The following ACBD3 variants were observed in gnomAD, a reference collection of about 807,000 sequenced individuals.
ACBD3 encodes the protein Golgi resident protein GCP60.
A neutral mutation model predicts 66.9 loss-of-function variants in ACBD3; 30 were observed. The observed-to-expected ratio is 0.45, with a 90% CI of 0.34 to 0.61. The LOEUF (loss-of-function observed/expected upper bound fraction) is 0.61. Among genes scored for constraint, ACBD3 ranks in the 20% least tolerant of loss-of-function variants. The probability of loss-of-function intolerance (pLI) is 0.02; values close to 1 mark genes in which losing one functional copy is unlikely to be tolerated. For synonymous variants in ACBD3, 278 were observed against 259.8 expected, an observed-to-expected ratio of 1.07 and a Z score of -0.68; for missense variants, 544 against 664.5, an observed-to-expected ratio of 0.82 and a Z score of 1.99.
rs1157402356 is a variant in ACBD3 at position 226,186,501 on chromosome 1, C to T, written c.175G>A (p.Glu59Lys). ...CCCCCAGCCGCCGCCTCCCCGGGCTCGGGCTGCTCCCCTGAGGCGCCCGGG... is the reference window on the plus strand; with the variant it reads ...CCCCCAGCCGCCGCCTCCCCGGGCTTGGGCTGCTCCCCTGAGGCGCCCGGG... ...RGPGASGEQP[E>K]PGEAAAGGAA... is the part of the protein sequence containing the mutation. The change falls in exon 1 of 8, where the codon GAG (glutamate) becomes AAG (lysine). Residue 59 changes from glutamate (E) to lysine (K), a missense_variant. Around this residue, in one of 3 missense-constraint regions of ACBD3, gnomAD observed 137 missense variants for 145.9 expected, o/e 0.94. Coordinates refer to ENST00000366812, the MANE Select transcript of ACBD3 (RefSeq NM_022735.4). The T allele has an allele frequency of 6.8e-7, 1 of 1,473,368 alleles. No individual in the cohort carries two copies. The highest frequency in any genetic ancestry group is 2.2e-4 in the Middle Eastern group (1 of 4,454). The allele number at this position is 1,473,368 out of a possible 1,614,324, so 91.3% of individuals were successfully genotyped here.
At chr1:226,169,321 C>T (rs980518686) in intron 1 of ACBD3, among the ~76,000 whole-genome samples, 5 of 151,868 alleles carry the variant, frequency 3.3e-5, no homozygotes, top group African/African-American at 2.4e-5. Flanking sequence ...GATCTCGGCT[C>T]ACTGCAAGCT....
chr1:226,145,678 AG>A lies in ACBD3; in HGVS notation c.*931del, dbSNP rs1659433911. On this transcript the variant is annotated 3_prime_UTR_variant, in exon 8 of 8. Coordinates refer to ENST00000366812, the MANE Select transcript of ACBD3 (RefSeq NM_022735.4). Reference sequence around the variant, plus strand: ...TAAAAGAAAATAGACTGTCTCTGGCAGTGATTTCCATATTAGTGCAATGTTA... The same window carrying A: ...TAAAAGAAAATAGACTGTCTCTGGCATGATTTCCATATTAGTGCAATGTTA... 1 of 152,640 alleles carries A rather than the reference AG, an allele frequency of 6.6e-6. No homozygotes were observed. The highest frequency in any genetic ancestry group is 2.4e-5 in the African/African-American group (1 of 41,462). The allele number at this position is 152,640 out of a possible 1,614,324, so 9.5% of individuals were successfully genotyped here. A position where few individuals can be genotyped will look rare whatever the true frequency, so the allele number is the denominator to read the frequency against.
chr1:226,166,085 A>C, intron 1 of ACBD3, 85 bp from the exon 2 acceptor site: 1 of 1,410,614 alleles, frequency 7.1e-7, no homozygotes, highest in Non-Finnish European at 9.4e-7. Context: ...CTTTGCTACA[A>C]AGCATGTCAC....
chr1:226,159,556 G>A (rs1395781366), intron 4 of ACBD3, among the ~76,000 whole-genome samples, 198 bp from the exon 5 acceptor site: 1 of 152,078 alleles, frequency 6.6e-6, no homozygotes, highest in Non-Finnish European at 1.5e-5. Flanking sequence ...TTTTACTTAG[G>A]ATTTTCCAGG....
chr1:226,186,514 T>C lies in ACBD3; in HGVS notation c.162A>G (p.Ser54=), dbSNP rs2102794477. ...CCTCCCCGGGCTCGGGCTGCTCCCC[T>C]GAGGCGCCCGGGCCGCGACCGGATC... ...PPGSGRGPGA[S]GEQPEPGEAA... is the part of the protein sequence containing the mutation. The change falls in exon 1 of 8, where the codon TCA becomes TCG. Residue 54 remains serine (S), a synonymous_variant. Transcript: ENST00000366812. The C allele has an allele frequency of 2.8e-6, 4 of 1,413,864 alleles. No homozygotes were observed. The highest frequency in any genetic ancestry group is 2.4e-4 in the Middle Eastern group (1 of 4,122). The allele number at this position is 1,413,864 out of a possible 1,614,324, so 87.6% of individuals were successfully genotyped here. A position where few individuals can be genotyped will look rare whatever the true frequency, so the allele number is the denominator to read the frequency against.
rs1483023894 is a variant in ACBD3 at position 226,146,364 on chromosome 1, T to C, written c.*246A>G. ...ACATGTAGCTCATGTAACTTCAGCA[T>C]CCACTAGTGACTCTGCTGGTCAGCA... On this transcript the variant is annotated 3_prime_UTR_variant, in exon 8 of 8. Coordinates refer to ENST00000366812, the MANE Select transcript of ACBD3 (RefSeq NM_022735.4). 19 of 455,228 alleles carry C rather than the reference T, an allele frequency of 4.2e-5. No homozygotes were observed. Among genetic ancestry groups the C allele is most frequent in the South Asian group, 5.6e-5 (2 of 36,002 alleles). 28.2% of individuals were successfully genotyped at this position (455,228 alleles called of 1,614,324 possible).
intron 1 of ACBD3, among the ~76,000 whole-genome samples, chr1:226,180,595 G>T (rs1357447176): frequency 6.6e-6 from 1 of 152,124 alleles, no homozygotes; most frequent in Non-Finnish European, 1.5e-5. Flanking sequence ...TGGCTACACT[G>T]TCCACTTTCT....
Position 226,183,147 on chromosome 1 carries a change from G to A in ACBD3, c.286+3243C>T, listed in dbSNP as rs1656207265. Among the ~76,000 whole-genome samples, 3 of 152,230 alleles carry A rather than the reference G, an allele frequency of 2.0e-5. No individual in the cohort carries two copies. The South Asian group carries it at 6.2e-4, about 32-fold the overall frequency. On this transcript the variant is annotated intron_variant, in intron 1 of 7. Coordinates refer to ENST00000366812, the MANE Select transcript of ACBD3 (RefSeq NM_022735.4). Reference sequence around the variant, plus strand: ...TTTCAAGATTCGTATTTATTCCACAGTGGAAGAGAAAATGTAATGTTCTTT... The same window carrying A: ...TTTCAAGATTCGTATTTATTCCACAATGGAAGAGAAAATGTAATGTTCTTT...
chr1:226,172,173 G>A (rs1184033179), intron 1 of ACBD3, among the ~76,000 whole-genome samples: 17,533 of 52,708 alleles, frequency 0.33, 1,562 homozygotes, highest in East Asian at 0.41. Context: ...AAAAAAAAGA[G>A]GAATACATTT....
At chr1:226,151,037 C>A (rs572085644) in intron 7 of ACBD3, among the ~76,000 whole-genome samples, 2 of 152,274 alleles carry the variant, frequency 1.3e-5, no homozygotes, top group African/African-American at 4.8e-5. Flanking sequence ...TATGGCACAC[C>A]TGCAGTGTAT....
At position 226,181,707 on chromosome 1, in the gene ACBD3, C is replaced by T. The variant is rs571684476; in HGVS notation, c.286+4683G>A. ...ACTCAATAACTATTGACAATTATTACTCTGAAATCTTAAATTAATGTAAAC... is the reference window on the plus strand; with the variant it reads ...ACTCAATAACTATTGACAATTATTATTCTGAAATCTTAAATTAATGTAAAC... On this transcript the variant is annotated intron_variant, in intron 1 of 7. Coordinates refer to ENST00000366812, the MANE Select transcript of ACBD3 (RefSeq NM_022735.4). Among the ~76,000 whole-genome samples, 8 of 152,238 alleles carry T rather than the reference C, an allele frequency of 5.3e-5. No homozygotes were observed. The South Asian group carries it at 1.7e-3, about 32-fold the overall frequency.
chr1:226,185,024 A>G (rs555430324), intron 1 of ACBD3, among the ~76,000 whole-genome samples: 23 of 152,246 alleles, frequency 1.5e-4, no homozygotes, highest in African/African-American at 5.1e-4. Flanking sequence ...TTTACTGAAA[A>G]ATAAGTTCCA....
intron 1 of ACBD3, among the ~76,000 whole-genome samples, chr1:226,184,323 C>T (rs1404338834): frequency 2.0e-5 from 3 of 152,188 alleles, no homozygotes; most frequent in African/African-American, 7.2e-5. Flanking sequence ...ATGACACATG[C>T]AGAAAGGTAG....
chr1:226,182,465 T>A (rs1295091439), intron 1 of ACBD3, among the ~76,000 whole-genome samples: 2 of 152,082 alleles, frequency 1.3e-5, no homozygotes, highest in African/African-American at 4.8e-5. Flanking sequence ...AATACAAAAA[T>A]TAGCTGGGTG....
At chr1:226,156,398 A>G (rs1659671131) in intron 5 of ACBD3, among the ~76,000 whole-genome samples, 1 of 152,218 alleles carries the variant, frequency 6.6e-6, no homozygotes, top group South Asian at 2.1e-4. Flanking sequence ...ATAAAAAGAT[A>G]AAATCTATCC....
chr1:226,166,484 A>AT (rs200962496), intron 1 of ACBD3, among the ~76,000 whole-genome samples: 6,063 of 122,466 alleles, frequency 0.05, 266 homozygotes, highest in African/African-American at 0.12. Context: ...CGGTATGCTG[A>AT]TTTTTTTTTT....
chr1:226,158,822 G>A (rs554472386), intron 5 of ACBD3, among the ~76,000 whole-genome samples: 1 of 152,330 alleles, frequency 6.6e-6, no homozygotes, highest in East Asian at 1.9e-4. Flanking sequence ...ACTGGAGGCT[G>A]TCCAAGCCTC....
At chr1:226,181,208 T>C (rs912580912) in intron 1 of ACBD3, among the ~76,000 whole-genome samples, 37 of 152,294 alleles carry the variant, frequency 2.4e-4, no homozygotes, top group African/African-American at 7.2e-4. Context: ...GAAAAAGAAC[T>C]CTAATAGATG....
At chr1:226,160,863 T>C (rs1355937542) in intron 4 of ACBD3, among the ~76,000 whole-genome samples, 2 of 152,224 alleles carry the variant, frequency 1.3e-5, no homozygotes, top group African/African-American at 2.4e-5. Flanking sequence ...ATATCTGACA[T>C]AGACTGGACC....
Sources: gnomAD v4.1 joint callset for allele counts (sites outside exome capture counted in the v4.1 genomes callset) on GRCh38, gnomAD v4.1.1 for gene constraint, gnomAD v4.1.1 regional missense constraint, MANE v1.5 for transcripts, NCBI Gene and HGNC (gene_info 2026-07-23, HGNC 2026-07-21) for gene names.